UBE3C: variants seen among roughly 807,000 people sequenced by gnomAD.
The protein encoded by UBE3C is ubiquitin-protein ligase E3C.
UBE3C carries 42 observed loss-of-function variants against 129.4 expected under a neutral mutation model. The ratio of observed to expected loss-of-function variants is 0.32; its 90% CI spans 0.25 to 0.42. The LOEUF is 0.42. UBE3C is among the 10% of genes least tolerant of loss of function. The pLI is 1.00. For missense variants in UBE3C, 1,049 were observed against 1,319.1 expected, an observed-to-expected ratio of 0.80 and a Z score of 3.17; for synonymous variants, 510 against 492.4, an observed-to-expected ratio of 1.04 and a Z score of -0.47.
At chr7:157,180,333 C>T (rs1438746903) in intron 6 of UBE3C, among the ~76,000 whole-genome samples, 1 of 152,158 alleles carries the variant, frequency 6.6e-6, no homozygotes, top group Non-Finnish European at 1.5e-5. Flanking sequence ...AAAAAAGTCT[C>T]TGTGTATTTT....
At position 157,269,061 on chromosome 7, in the gene UBE3C, T is replaced by A. The variant is rs1345242441; in HGVS notation, c.*1306T>A. 2 of 152,648 alleles carry A rather than the reference T, an allele frequency of 1.3e-5. No individual in the cohort carries two copies. The highest frequency in any genetic ancestry group is 6.5e-5 in the Admixed American group (1 of 15,286). 9.5% of individuals were successfully genotyped at this position (152,648 alleles called of 1,614,324 possible). A position where few individuals can be genotyped will look rare whatever the true frequency, so the allele number is the denominator to read the frequency against. ...GACACTTTTAAGACAATGAACATTA[T>A]CAAAACAAAATGTATAATTTCTTAA... On this transcript the variant is annotated 3_prime_UTR_variant, in exon 23 of 23. Coordinates refer to ENST00000348165, the MANE Select transcript of UBE3C (RefSeq NM_014671.3).
intron 1 of UBE3C, among the ~76,000 whole-genome samples, chr7:157,160,034 T>C (rs1245525160): frequency 6.6e-6 from 1 of 152,202 alleles, no homozygotes; most frequent in Admixed American, 6.5e-5. Flanking sequence ...TTTTTATAAA[T>C]AAACTTGTTA....
At chr7:157,176,791 T>A (rs1407142812) in intron 5 of UBE3C, among the ~76,000 whole-genome samples, 1 of 152,160 alleles carries the variant, frequency 6.6e-6, no homozygotes, top group African/African-American at 2.4e-5. Context: ...CACAAAGCCT[T>A]AAGTGCTCTC....
intron 18 of UBE3C, among the ~76,000 whole-genome samples, chr7:157,244,002 C>G (rs539486009): frequency 6.6e-6 from 1 of 152,066 alleles, no homozygotes; most frequent in Non-Finnish European, 1.5e-5. Context: ...GAGGCCGAGG[C>G]GGGTGATCAC....
rs762173797 is a variant in UBE3C, at chr7:157,170,407, A to G, written c.299A>G (p.Gln100Arg). 1.3e-6 allele frequency: 2 copies of G among 1,568,656 alleles called. No individual in the cohort carries two copies. The highest frequency in any genetic ancestry group is 1.4e-5 in the African/African-American group (1 of 72,132). ...NGPNLTLLVR[Q>R]LLFFYKQNED... The stretch of plus-strand genomic sequence containing the variant: ...CCCAACCTTACCCTTTTGGTAAGGC[A>G]GCTTCTGTTTTTTTACAAACAAAAT... The change falls in exon 4 of 23, where the codon CAG (glutamine) becomes CGG (arginine). Residue 100 changes from glutamine (Q) to arginine (R), a missense_variant. Physicochemically the swap from Gln to Arg is conservative, Grantham distance 43. Around this residue, in one of 4 missense-constraint regions of UBE3C, gnomAD observed 489 missense variants for 513.8 expected, o/e 0.95. Transcript: ENST00000348165.
Position 157,139,163 on chromosome 7 carries a change from C to A in UBE3C, c.-110C>A. On this transcript the variant is annotated 5_prime_UTR_variant, in exon 1 of 23. In the 5' UTR this introduces an upstream ATG that the reference lacks. Transcript: ENST00000348165. ...TCGCCTCCCGGCCGCCGCGTCCTCG[C>A]TGCCCCGGGCCGGGCGGGCGGGCGC... 1 of 755,912 alleles carries A rather than the reference C, an allele frequency of 1.3e-6. No individual in the cohort carries two copies. Among genetic ancestry groups the A allele is most frequent in the Non-Finnish European group, 1.6e-6 (1 of 611,242 alleles). The allele number at this position is 755,912 out of a possible 1,614,324, so 46.8% of individuals were successfully genotyped here. A position where few individuals can be genotyped will look rare whatever the true frequency, so the allele number is the denominator to read the frequency against.
chr7:157,214,553 A>C (rs1809683639), intron 13 of UBE3C, among the ~76,000 whole-genome samples: 1 of 152,204 alleles, frequency 6.6e-6, no homozygotes, highest in Non-Finnish European at 1.5e-5. Flanking sequence ...TGGGGTGATT[A>C]TGAAAGGGCT....
At chr7:157,177,769 C>T (rs1204003327) in intron 5 of UBE3C, among the ~76,000 whole-genome samples, 2 of 152,150 alleles carry the variant, frequency 1.3e-5, no homozygotes, top group African/African-American at 4.8e-5. Context: ...CTGCGGTAAG[C>T]GGATAAGCCG....
intron 13 of UBE3C, among the ~76,000 whole-genome samples, chr7:157,211,602 C>T (rs764596005): frequency 1.2e-4 from 19 of 152,030 alleles, no homozygotes; most frequent in Non-Finnish European, 1.3e-4. Context: ...ACAAGCTTAG[C>T]GTTCCAGTAA....
At chr7:157,256,459 T>A (rs1439616287) in intron 21 of UBE3C, among the ~76,000 whole-genome samples, 2 of 149,332 alleles carry the variant, frequency 1.3e-5, no homozygotes, top group Non-Finnish European at 3.0e-5. Flanking sequence ...TGACCCTCCT[T>A]AAGTTGCTCT....
At position 157,181,633 on chromosome 7, in the gene UBE3C, A is replaced by G; in HGVS notation, c.732A>G (p.Pro244=). The G allele has an allele frequency of 6.2e-7, 1 of 1,613,704 alleles. No homozygotes were observed. Among genetic ancestry groups the G allele is most frequent in the Non-Finnish European group, 8.5e-7 (1 of 1,179,920 alleles). ...TTTTGCTAGAGAATGTTCTAAAACC[A>G]TTGCACTTTACTTACAACTCCTGTC... The part of the protein sequence containing the change: ...AKILLENVLK[P]LHFTYNSCPE... The change falls in exon 7 of 23, where the codon CCA becomes CCG. Residue 244 remains proline, a synonymous_variant. Transcript: ENST00000348165.
intron 8 of UBE3C, among the ~76,000 whole-genome samples, chr7:157,183,286 A>G (rs1808717124): frequency 6.6e-6 from 1 of 152,172 alleles, no homozygotes; most frequent in Admixed American, 6.5e-5. Flanking sequence ...TGTCACCTAT[A>G]CTTCTGACCA....
intron 17 of UBE3C, among the ~76,000 whole-genome samples, chr7:157,228,757 A>G (rs948185694): frequency 7.9e-5 from 12 of 152,216 alleles, no homozygotes; most frequent in Non-Finnish European, 1.6e-4. Flanking sequence ...ACCACTGCTC[A>G]GTGAATGGGA....
At chr7:157,163,589 C>G (rs1389752455) in intron 1 of UBE3C, among the ~76,000 whole-genome samples, 1 of 152,092 alleles carries the variant, frequency 6.6e-6, no homozygotes, top group Non-Finnish European at 1.5e-5. Flanking sequence ...AGATTTTATG[C>G]TTAAAAAACT....
intron 10 of UBE3C, chr7:157,197,816 T>A (rs1563052275): frequency 3.7e-6 from 6 of 1,613,022 alleles, no homozygotes; most frequent in African/African-American, 1.3e-5. Context: ...CTAACCTGAT[T>A]TGAATTTTTG....
chr7:157,188,763 G>T (rs1453661915), intron 10 of UBE3C, among the ~76,000 whole-genome samples: 2 of 145,844 alleles, frequency 1.4e-5, no homozygotes, highest in Non-Finnish European at 3.0e-5. Context: ...GAGCAAGTAG[G>T]CTTACTCTAA....
At chr7:157,256,791 T>G in intron 21 of UBE3C, 123 bp from the exon 22 acceptor site, 1 of 1,322,534 alleles carries the variant, frequency 7.6e-7, no homozygotes, top group Non-Finnish European at 1.0e-6. Flanking sequence ...GCCACGCCGT[T>G]TTAGAGAAGG....
chr7:157,218,865 A>G (rs77943122), intron 14 of UBE3C, among the ~76,000 whole-genome samples: 2,630 of 152,288 alleles, frequency 0.017, 37 homozygotes, highest in Non-Finnish European at 0.025. Context: ...CTGAGTTCGC[A>G]AGGGTGCTAA....
Position 157,139,157 on chromosome 7 carries a change from T to G in UBE3C, c.-116T>G. 2 of 670,034 alleles carry G rather than the reference T, an allele frequency of 3.0e-6. No individual in the cohort carries two copies. Among genetic ancestry groups the G allele is most frequent in the Middle Eastern group, 7.1e-4 (1 of 1,414 alleles). 41.5% of individuals were successfully genotyped at this position (670,034 alleles called of 1,614,324 possible). On this transcript the variant is annotated 5_prime_UTR_variant, in exon 1 of 23. Transcript: ENST00000348165. ...CTCGGGTCGCCTCCCGGCCGCCGCGTCCTCGCTGCCCCGGGCCGGGCGGGC... is the reference window on the plus strand; with the variant it reads ...CTCGGGTCGCCTCCCGGCCGCCGCGGCCTCGCTGCCCCGGGCCGGGCGGGC...
Sources: allele counts gnomAD v4.1 joint callset (sites outside exome capture counted in the v4.1 genomes callset), GRCh38; gene constraint gnomAD v4.1.1; regional missense constraint gnomAD v4.1.1; transcripts MANE v1.5; gene names NCBI Gene and HGNC (gene_info 2026-07-23, HGNC 2026-07-21).